The following ULK4 variants were observed in gnomAD, a reference collection of about 807,000 sequenced individuals.
ULK4 encodes the protein inactive serine/threonine-protein kinase ULK4.
In ULK4, 133 loss-of-function variants were observed where a neutral mutation model predicts 160.6. The observed-to-expected ratio is 0.83, with a 90% confidence interval of 0.72 to 0.96. The LOEUF is 0.96. Ranked by LOEUF, ULK4 falls within the 40% of genes least tolerant of loss-of-function variation. The pLI is 0.00. For synonymous variants in ULK4, 534 were observed against 539.8 expected, an observed-to-expected ratio of 0.99 and a Z score of 0.15; for missense variants, 1,580 against 1,499.5, an observed-to-expected ratio of 1.05 and a Z score of -0.89.
At chr3:41,363,930 C>T (rs57103835) in intron 35 of ULK4, among the ~76,000 whole-genome samples, 7,093 of 134,946 alleles carry the variant, frequency 0.053, 398 homozygotes, top group East Asian at 0.21. Flanking sequence ...CAAATTCTCT[C>T]TCTTTTTTTT....
intron 35 of ULK4, among the ~76,000 whole-genome samples, chr3:41,376,974 A>C (rs1489941379): frequency 6.6e-6 from 1 of 150,936 alleles, no homozygotes; most frequent in African/African-American, 2.5e-5. Context: ...ACTTCAAACT[A>C]TACTACAAGG....
At chr3:41,382,912 T>C (rs2081701122) in intron 35 of ULK4, among the ~76,000 whole-genome samples, 2 of 152,288 alleles carry the variant, frequency 1.3e-5, no homozygotes, top group Admixed American at 1.3e-4. Context: ...ATATTTGTTA[T>C]TGTTTATTTC....
At chr3:41,510,619 T>C (rs1265423597) in intron 32 of ULK4, among the ~76,000 whole-genome samples, 5 of 152,082 alleles carry the variant, frequency 3.3e-5, no homozygotes, top group Non-Finnish European at 7.4e-5. Flanking sequence ...AAAATCGAAA[T>C]TATATCTAGC....
At chr3:41,465,949 G>C (rs756868468) in intron 32 of ULK4, among the ~76,000 whole-genome samples, 1 of 152,144 alleles carries the variant, frequency 6.6e-6, no homozygotes, top group African/African-American at 2.4e-5. Flanking sequence ...GGTGTGAAGT[G>C]GGAAGGGTAG....
At chr3:41,623,395 C>T (rs2033346992) in intron 30 of ULK4, among the ~76,000 whole-genome samples, 1 of 151,746 alleles carries the variant, frequency 6.6e-6, no homozygotes, top group Non-Finnish European at 1.5e-5. Flanking sequence ...ACCTTGATGT[C>T]TAGCAAAAAA....
chr3:41,533,187 C>G (rs935414202), intron 32 of ULK4, among the ~76,000 whole-genome samples: 1 of 151,440 alleles, frequency 6.6e-6, no homozygotes, highest in African/African-American at 2.4e-5. Context: ...CCAAAGCACA[C>G]AACACACCAC....
In ULK4 at chr3:41,414,041, C is replaced by T. The variant is rs542037418; in HGVS notation, c.3493-15777G>A. Among the ~76,000 whole-genome samples the T allele has an allele frequency of 2.1e-4, 32 of 152,260 alleles. No individual in the cohort carries two copies. In the East Asian group the frequency reaches 5.0e-3, roughly 24 times the overall value. Reference sequence around the variant, plus strand: ...CCAACATGGAGAAACCCCGTCTCTACTTAAAATACAAAATTAGCCAGGCAT... The same window carrying T: ...CCAACATGGAGAAACCCCGTCTCTATTTAAAATACAAAATTAGCCAGGCAT... On this transcript the variant is annotated intron_variant, in intron 34 of 36. Transcript: ENST00000301831.
At chr3:41,861,915 G>C (rs961618243) in intron 17 of ULK4, among the ~76,000 whole-genome samples, 1 of 151,976 alleles carries the variant, frequency 6.6e-6, no homozygotes, top group African/African-American at 2.4e-5. Flanking sequence ...TCCACCTCCA[G>C]GACTCAAGTG....
intron 12 of ULK4, among the ~76,000 whole-genome samples, chr3:41,901,443 G>A (rs1386300641): frequency 2.8e-5 from 4 of 142,448 alleles, no homozygotes; most frequent in Non-Finnish European, 6.1e-5. Flanking sequence ...GCCTCCCAAA[G>A]TGCTGGGATT....
intron 31 of ULK4, among the ~76,000 whole-genome samples, chr3:41,569,609 C>T (rs1292791366): frequency 6.6e-6 from 1 of 152,144 alleles, no homozygotes; most frequent in African/African-American, 2.4e-5. Flanking sequence ...CAAATTTTCA[C>T]ACATATTGTA....
chr3:41,290,015 G>A (rs1314242929), intron 35 of ULK4, among the ~76,000 whole-genome samples: 3 of 151,962 alleles, frequency 2.0e-5, no homozygotes, highest in Non-Finnish European at 4.4e-5. Flanking sequence ...AGCTGGGATT[G>A]CAGGCACGTG....
intron 19 of ULK4, among the ~76,000 whole-genome samples, chr3:41,818,947 C>T (rs962078046): frequency 3.3e-5 from 5 of 152,190 alleles, no homozygotes; most frequent in African/African-American, 1.2e-4. Flanking sequence ...TGTGAATAAA[C>T]TGAAAAATCA....
At chr3:41,254,311 G>T (rs2078792791) in intron 35 of ULK4, among the ~76,000 whole-genome samples, 1 of 152,134 alleles carries the variant, frequency 6.6e-6, no homozygotes, top group South Asian at 2.1e-4. Flanking sequence ...TGACCATATG[G>T]AATTAAACTA....
At chr3:41,404,508 T>C (rs570837750) in intron 34 of ULK4, among the ~76,000 whole-genome samples, 7 of 152,322 alleles carry the variant, frequency 4.6e-5, no homozygotes, top group African/African-American at 1.7e-4. Context: ...TGCTGTTGGA[T>C]CATGTTTTGT....
At chr3:41,678,209 C>CAA (rs1308965208) in intron 29 of ULK4, among the ~76,000 whole-genome samples, 1 of 151,344 alleles carries the variant, frequency 6.6e-6, no homozygotes, top group African/African-American at 2.4e-5. Context: ...CACACACACA[C>CAA]ACACACACAC....
intron 30 of ULK4, among the ~76,000 whole-genome samples, chr3:41,661,683 A>G (rs2035172580): frequency 6.6e-6 from 1 of 152,204 alleles, no homozygotes. Flanking sequence ...GAAGCCAAGG[A>G]GATCTCTCGA....
At chr3:41,827,476 G>A (rs141345402) in intron 18 of ULK4, among the ~76,000 whole-genome samples, 6,809 of 152,056 alleles carry the variant, frequency 0.045, 463 homozygotes, top group African/African-American at 0.15. Flanking sequence ...TATCACCACC[G>A]ATCCCACAGA....
At chr3:41,676,594 TA>T (rs76058087) in intron 29 of ULK4, among the ~76,000 whole-genome samples, 10,074 of 147,368 alleles carry the variant, frequency 0.068, 657 homozygotes, top group African/African-American at 0.17. Flanking sequence ...CTTCTTCAGT[TA>T]AAAAAAAAAA....
At chr3:41,741,069 G>T (rs935055672) in intron 22 of ULK4, among the ~76,000 whole-genome samples, 1 of 151,758 alleles carries the variant, frequency 6.6e-6, no homozygotes, top group African/African-American at 2.4e-5. Context: ...CTGCCTCAAG[G>T]ATCCCCTTAA....
Sources: gnomAD v4.1 joint callset for allele counts (sites outside exome capture counted in the v4.1 genomes callset) on GRCh38, gnomAD v4.1.1 for gene constraint, MANE v1.5 for transcripts, NCBI Gene and HGNC (gene_info 2026-07-23, HGNC 2026-07-21) for gene names.